CSNK1A1: variants seen among roughly 807,000 people sequenced by gnomAD.
CSNK1A1 encodes casein kinase I isoform alpha.
CSNK1A1 carries 7 observed loss-of-function variants against 46.1 expected under a neutral mutation model. The ratio of observed to expected loss-of-function variants is 0.15; its 90% CI spans 0.09 to 0.29. The LOEUF (loss-of-function observed/expected upper bound fraction) is 0.29. CSNK1A1 is among the 10% of genes least tolerant of loss of function. The probability of loss-of-function intolerance (pLI) is 1.00; values close to 1 mark genes in which losing one functional copy is unlikely to be tolerated. For synonymous variants in CSNK1A1, 137 were observed against 141.5 expected (o/e 0.97, Z 0.23); for missense variants, 96 against 417.1 (o/e 0.23, Z 6.71).
intron 4 of CSNK1A1, among the ~76,000 whole-genome samples, chr5:149,514,377 T>C (rs907366778): frequency 6.6e-6 from 1 of 152,240 alleles, no homozygotes; most frequent in Non-Finnish European, 1.5e-5. Context: ...TATTCATATT[T>C]ACCTACCATA....
At chr5:149,513,265 G>T (rs1004334032) in intron 4 of CSNK1A1, 56 bp from the exon 5 acceptor site, 1 of 1,480,220 alleles carries the variant, frequency 6.8e-7, no homozygotes, top group Non-Finnish European at 9.2e-7. Context: ...ATTAAACTGC[G>T]TCTTATTCAT....
chr5:149,542,222 TTA>T (rs1159824576), intron 2 of CSNK1A1, among the ~76,000 whole-genome samples: 30 of 151,942 alleles, frequency 2.0e-4, no homozygotes, highest in Non-Finnish European at 3.2e-4. Context: ...TGTGCATTCC[TTA>T]TGAGAATCTA....
At chr5:149,505,409 T>G in intron 9 of CSNK1A1, 38 bp downstream of exon 9, 1 of 1,588,262 alleles carries the variant, frequency 6.3e-7, no homozygotes, top group South Asian at 1.1e-5. Context: ...TGTATTCAAT[T>G]TTTTCCCTGT....
chr5:149,507,921 T>C (rs1485255581), intron 7 of CSNK1A1, among the ~76,000 whole-genome samples: 1 of 152,244 alleles, frequency 6.6e-6, no homozygotes, highest in African/African-American at 2.4e-5. Flanking sequence ...AATTTTTCCA[T>C]TTAGCTCCTT....
intron 2 of CSNK1A1, among the ~76,000 whole-genome samples, chr5:149,535,226 G>C (rs574725741): frequency 6.6e-6 from 1 of 152,022 alleles, no homozygotes; most frequent in Non-Finnish European, 1.5e-5. Context: ...TATTAATTCC[G>C]AATTTCCACC....
intron 3 of CSNK1A1, among the ~76,000 whole-genome samples, chr5:149,522,362 C>T (rs1039549350): frequency 7.2e-5 from 11 of 152,200 alleles, no homozygotes; most frequent in Admixed American, 5.2e-4. Flanking sequence ...CCTCCTGCTT[C>T]TGCCTCCCAA....
chr5:149,544,737 T>TTATCTATATATATATA (rs1762410399), intron 2 of CSNK1A1, among the ~76,000 whole-genome samples: 1 of 80,806 alleles, frequency 1.2e-5, no homozygotes, highest in Non-Finnish European at 2.2e-5. Context: ...GTAAAGAGCT[T>TTATCTATATATATATA]TATATATATA....
At chr5:149,542,640 GTATATATATATATA>G (rs1311690619) in intron 2 of CSNK1A1, among the ~76,000 whole-genome samples, 3 of 13,056 alleles carry the variant, frequency 2.3e-4, no homozygotes, top group African/African-American at 7.0e-4. Context: ...ATATATATAT[GTATATATATATATA>G]TATATATATA....
chr5:149,501,677 G>A, intron 9 of CSNK1A1: 1 of 985,332 alleles, frequency 1.0e-6, no homozygotes, highest in Non-Finnish European at 1.2e-6. Context: ...CAGAATAGTA[G>A]AATTATCCAA....
intron 2 of CSNK1A1, among the ~76,000 whole-genome samples, chr5:149,538,347 C>CACA (rs1561769951): frequency 6.6e-6 from 1 of 152,144 alleles, no homozygotes; most frequent in East Asian, 1.9e-4. Context: ...CTGTGACTGG[C>CACA]ACAGGGTAGG....
chr5:149,507,223 T>G, intron 7 of CSNK1A1, 90 bp from the exon 8 acceptor site: 1 of 987,010 alleles, frequency 1.0e-6, no homozygotes, highest in Non-Finnish European at 1.5e-6. Context: ...AAGATATTTT[T>G]GGGCGGGATA....
intron 4 of CSNK1A1, 109 bp from the exon 5 acceptor site, chr5:149,513,318 G>A (rs1198809585): frequency 9.9e-7 from 1 of 1,011,758 alleles, no homozygotes; most frequent in Non-Finnish European, 1.4e-6. Flanking sequence ...TCAAAATAAA[G>A]TATCCTAAGT....
intron 2 of CSNK1A1, among the ~76,000 whole-genome samples, chr5:149,538,903 CA>C (rs1762144763): frequency 7.2e-6 from 1 of 138,536 alleles, no homozygotes. Flanking sequence ...GCTTGGGCAA[CA>C]AGAGCGAAAC....
intron 9 of CSNK1A1, chr5:149,504,748 A>G (rs769099109): frequency 2.0e-6 from 2 of 985,466 alleles, no homozygotes; most frequent in Non-Finnish European, 2.4e-6. Flanking sequence ...GATATTTGCA[A>G]CATTGTGAAA....
intron 4 of CSNK1A1, among the ~76,000 whole-genome samples, chr5:149,518,824 TA>T (rs1452827152): frequency 6.6e-6 from 1 of 151,936 alleles, no homozygotes; most frequent in African/African-American, 2.4e-5. Flanking sequence ...GGCAAAGTGA[TA>T]TCTAGGTCAT....
intron 2 of CSNK1A1, among the ~76,000 whole-genome samples, chr5:149,549,050 C>A (rs1210980450): frequency 6.6e-6 from 1 of 152,152 alleles, no homozygotes; most frequent in Non-Finnish European, 1.5e-5. Context: ...TTTGACAGAA[C>A]AATGTCTATC....
chr5:149,509,825 G>A (rs1761159906), intron 7 of CSNK1A1, 54 bp downstream of exon 7: 2 of 1,351,792 alleles, frequency 1.5e-6, no homozygotes, highest in Non-Finnish European at 1.0e-6. Flanking sequence ...ACAGGTGTGA[G>A]CCATTGTGCC....
Position 149,496,351 on chromosome 5 carries a change from A to G in CSNK1A1, c.*502T>C, listed in dbSNP as rs930170787. 6.5e-6 allele frequency: 1 copy of G among 153,226 alleles called. No homozygotes were observed. Among genetic ancestry groups the G allele is most frequent in the African/African-American group, 2.4e-5 (1 of 41,456 alleles). The allele number at this position is 153,226 out of a possible 1,614,324, so 9.5% of individuals were successfully genotyped here. ...CAGCTGGCTTGCAGACAAGAAGCCA[A>G]CCATTTTAAGAATGTTTTAAGTGAA... On this transcript the variant is annotated 3_prime_UTR_variant, in exon 10 of 10. Transcript: ENST00000377843.
chr5:149,533,019 G>A (rs1761948657), intron 2 of CSNK1A1, among the ~76,000 whole-genome samples: 1 of 152,090 alleles, frequency 6.6e-6, no homozygotes, highest in South Asian at 2.1e-4. Flanking sequence ...TCTTCTTGCT[G>A]CCTTGTTACT....
Sources: allele counts gnomAD v4.1 joint callset (sites outside exome capture counted in the v4.1 genomes callset), GRCh38; gene constraint gnomAD v4.1.1; transcripts MANE v1.5; gene names NCBI Gene and HGNC (gene_info 2026-07-23, HGNC 2026-07-21).